The following SPIDR variants were observed in gnomAD, a reference collection of about 807,000 sequenced individuals.
The protein encoded by SPIDR is scaffold protein involved in DNA repair.
In SPIDR, 93 loss-of-function variants were observed where a neutral mutation model predicts 104.6. The observed-to-expected ratio is 0.89, with a 90% CI of 0.75 to 1.06. The LOEUF (loss-of-function observed/expected upper bound fraction) is 1.06, where lower values mean the gene tolerates loss of function less well. Ranked by LOEUF, SPIDR falls within the 50% of genes least tolerant of loss-of-function variation. The pLI is 0.00. For synonymous variants in SPIDR, 431 were observed against 416.9 expected (o/e 1.03, Z -0.41); for missense variants, 1,154 against 1,111.2 (o/e 1.04, Z -0.55).
At chr8:47,489,930 A>G (rs1554737477) in intron 8 of SPIDR, among the ~76,000 whole-genome samples, 3 of 152,152 alleles carry the variant, frequency 2.0e-5, no homozygotes. Context: ...ACCATTCAGG[A>G]CATAGGCATG....
chr8:47,398,467 C>A (rs111600456), intron 6 of SPIDR, among the ~76,000 whole-genome samples: 5,206 of 151,936 alleles, frequency 0.034, 326 homozygotes, highest in Admixed American at 0.15. Context: ...AGAAAAGGGT[C>A]CAGAGGTGGG....
intron 10 of SPIDR, among the ~76,000 whole-genome samples, chr8:47,651,996 G>T (rs1260556952): frequency 1.3e-5 from 2 of 152,052 alleles, no homozygotes; most frequent in African/African-American, 2.4e-5. Context: ...ACTACATATT[G>T]GGTACACTGT....
intron 3 of SPIDR, among the ~76,000 whole-genome samples, chr8:47,289,460 G>A (rs1488376549): frequency 1.3e-5 from 2 of 152,058 alleles, no homozygotes; most frequent in Non-Finnish European, 2.9e-5. Flanking sequence ...AATATAAACA[G>A]AATAATTGAT....
intron 10 of SPIDR, among the ~76,000 whole-genome samples, chr8:47,612,457 G>A (rs2063723474): frequency 1.3e-5 from 2 of 152,198 alleles, no homozygotes; most frequent in Non-Finnish European, 2.9e-5. Context: ...TCTCTCTTCA[G>A]AAAAGGCTAG....
intron 8 of SPIDR, among the ~76,000 whole-genome samples, chr8:47,459,605 A>AT (rs1348756952): frequency 4.0e-5 from 6 of 150,856 alleles, no homozygotes; most frequent in South Asian, 4.2e-4. Flanking sequence ...TATCGTTTGT[A>AT]TTTTTTTTGT....
chr8:47,410,950 G>C (rs1304120608), intron 7 of SPIDR, among the ~76,000 whole-genome samples: 3 of 152,036 alleles, frequency 2.0e-5, no homozygotes, highest in Admixed American at 6.6e-5. Flanking sequence ...GAGAATAATG[G>C]CTTCCAGCTT....
chr8:47,730,797 C>T (rs1196017735), intron 19 of SPIDR, among the ~76,000 whole-genome samples: 1 of 152,206 alleles, frequency 6.6e-6, no homozygotes, highest in Non-Finnish European at 1.5e-5. Context: ...ACCCACTGCA[C>T]CTCAGGAGGG....
At chr8:47,622,227 T>A (rs1372699623) in intron 10 of SPIDR, among the ~76,000 whole-genome samples, 1 of 152,032 alleles carries the variant, frequency 6.6e-6, no homozygotes, top group Non-Finnish European at 1.5e-5. Flanking sequence ...TGGTTAGGAT[T>A]TGAGGAGTAA....
intron 8 of SPIDR, among the ~76,000 whole-genome samples, chr8:47,500,011 A>G (rs1445168608): frequency 6.6e-6 from 1 of 152,172 alleles, no homozygotes; most frequent in Non-Finnish European, 1.5e-5. Flanking sequence ...CATGGTGTAT[A>G]TGTGCCACAT....
At chr8:47,387,951 T>C (rs1257540028) in intron 5 of SPIDR, among the ~76,000 whole-genome samples, 4 of 152,208 alleles carry the variant, frequency 2.6e-5, no homozygotes, top group Non-Finnish European at 5.9e-5. Context: ...AGGATTATGT[T>C]TTTCACATCA....
intron 9 of SPIDR, among the ~76,000 whole-genome samples, 169 bp downstream of exon 9, chr8:47,596,175 C>T (rs2061600392): frequency 6.6e-6 from 1 of 152,206 alleles, no homozygotes; most frequent in Admixed American, 6.5e-5. Context: ...TATTATAGTT[C>T]AGTTCAGCAT....
chr8:47,316,255 C>T (rs1300376484), intron 5 of SPIDR, among the ~76,000 whole-genome samples: 2 of 152,172 alleles, frequency 1.3e-5, no homozygotes, highest in African/African-American at 4.8e-5. Flanking sequence ...CAAGGAGGTG[C>T]TGCTTTACTT....
At chr8:47,381,313 G>A (rs2059300170) in intron 5 of SPIDR, among the ~76,000 whole-genome samples, 1 of 152,196 alleles carries the variant, frequency 6.6e-6, no homozygotes, top group South Asian at 2.1e-4. Flanking sequence ...TGACCTGTCA[G>A]CCACCAGTAC....
At chr8:47,581,203 G>T (rs2059661698) in intron 8 of SPIDR, among the ~76,000 whole-genome samples, 1 of 151,962 alleles carries the variant, frequency 6.6e-6, no homozygotes. Flanking sequence ...TTGTTTCCTG[G>T]TATATGTCTC....
At chr8:47,282,032 GA>G (rs2037896797) in intron 2 of SPIDR, among the ~76,000 whole-genome samples, 1 of 152,238 alleles carries the variant, frequency 6.6e-6, no homozygotes. Flanking sequence ...GCTCTTGGGT[GA>G]CCAGGTGCAT....
At position 47,682,663 on chromosome 8, in the gene SPIDR, A is replaced by G. The variant is rs181088651; in HGVS notation, c.1685+8722A>G. On this transcript the variant is annotated intron_variant, in intron 11 of 19. Transcript: ENST00000297423. ...ATAACTACAACTATTTCATAAGTTC[A>G]GTTGGAAAATAATAGTTTCTCAATG... 5.7e-3 allele frequency among the ~76,000 whole-genome samples: 866 copies of G among 152,376 alleles called. 7 individuals are homozygous for G. Among genetic ancestry groups the G allele is most frequent in the Non-Finnish European group, 0.01 (684 of 68,036 alleles).
intron 8 of SPIDR, among the ~76,000 whole-genome samples, chr8:47,584,832 T>C (rs2060099802): frequency 6.6e-6 from 1 of 152,186 alleles, no homozygotes; most frequent in Non-Finnish European, 1.5e-5. Flanking sequence ...GCACCCACCG[T>C]ACCCTTTTAT....
At chr8:47,620,856 G>A (rs1443192514) in intron 10 of SPIDR, among the ~76,000 whole-genome samples, 3 of 147,272 alleles carry the variant, frequency 2.0e-5, no homozygotes, top group Non-Finnish European at 3.0e-5. Flanking sequence ...GACCCCAGGC[G>A]ATCCACCCAC....
At chr8:47,397,138 A>G (rs1410531087) in intron 6 of SPIDR, among the ~76,000 whole-genome samples, 1 of 152,048 alleles carries the variant, frequency 6.6e-6, no homozygotes, top group African/African-American at 2.4e-5. Flanking sequence ...ACCTTCCCCA[A>G]CCCCGTGTAA....
Sources: gnomAD v4.1 joint callset for allele counts (sites outside exome capture counted in the v4.1 genomes callset) on GRCh38, gnomAD v4.1.1 for gene constraint, MANE v1.5 for transcripts, NCBI Gene and HGNC (gene_info 2026-07-23, HGNC 2026-07-21) for gene names.